The following BAIAP2L1 variants were observed in gnomAD, a reference collection of about 807,000 sequenced individuals.
The protein encoded by BAIAP2L1 is BAR/IMD domain-containing adapter protein 2-like 1.
A neutral mutation model predicts 66.3 loss-of-function variants in BAIAP2L1; 35 were observed. That is an observed-to-expected ratio of 0.53 (90% CI 0.40 to 0.70). The LOEUF is 0.70. BAIAP2L1 is among the 30% of genes least tolerant of loss of function. The pLI, the probability that BAIAP2L1 is intolerant of heterozygous loss-of-function variation, is 0.00. For missense variants in BAIAP2L1, 622 were observed against 656.9 expected (o/e 0.95, Z 0.58); for synonymous variants, 269 against 248.7 (o/e 1.08, Z -0.77).
At chr7:98,298,578 A>T (rs1800287688) in intron 12 of BAIAP2L1, among the ~76,000 whole-genome samples, 2 of 151,958 alleles carry the variant, frequency 1.3e-5, no homozygotes, top group Admixed American at 6.6e-5. Flanking sequence ...GTGCCACTGC[A>T]CTCCAGCCTG....
intron 1 of BAIAP2L1, among the ~76,000 whole-genome samples, chr7:98,375,349 C>T (rs1024810813): frequency 6.6e-5 from 10 of 150,964 alleles, no homozygotes; most frequent in Non-Finnish European, 8.8e-5. Flanking sequence ...AGCCGACATC[C>T]GGCCACTGCA....
intron 8 of BAIAP2L1, 145 bp downstream of exon 8, chr7:98,311,952 C>T: frequency 1.2e-6 from 1 of 801,290 alleles, no homozygotes; most frequent in Non-Finnish European, 2.0e-6. Flanking sequence ...ACCTTCGCCC[C>T]TAAAGGTAAG....
intron 3 of BAIAP2L1, among the ~76,000 whole-genome samples, chr7:98,334,478 C>T (rs906273213): frequency 1.3e-5 from 2 of 151,948 alleles, no homozygotes; most frequent in Non-Finnish European, 2.9e-5. Flanking sequence ...ATTCTTATTT[C>T]AATTTGAAAC....
chr7:98,312,611 C>T (rs181677762), intron 7 of BAIAP2L1, among the ~76,000 whole-genome samples: 134 of 152,288 alleles, frequency 8.8e-4, no homozygotes, highest in African/African-American at 3.2e-3. Context: ...GCCCCAGAAA[C>T]GCCAACCATC....
At chr7:98,304,170 G>T in intron 12 of BAIAP2L1, 26 bp downstream of exon 12, 1 of 1,543,280 alleles carries the variant, frequency 6.5e-7, no homozygotes, top group Non-Finnish European at 8.7e-7. Flanking sequence ...CCAGGACCCA[G>T]GACGCCCTGC....
chr7:98,309,638 ACT>A (rs769231025), intron 9 of BAIAP2L1: 1 of 151,834 alleles, frequency 6.6e-6, no homozygotes, highest in African/African-American at 2.4e-5. Flanking sequence ...ATTCTGGAAA[ACT>A]CTGTTCTTTT....
chr7:98,361,211 G>C (rs1802262863), intron 2 of BAIAP2L1, among the ~76,000 whole-genome samples: 1 of 152,006 alleles, frequency 6.6e-6, no homozygotes, highest in Non-Finnish European at 1.5e-5. Flanking sequence ...ACAAAAATTA[G>C]CTGGGCATGG....
chr7:98,330,616 C>T (rs1407005135), intron 3 of BAIAP2L1, among the ~76,000 whole-genome samples: 1 of 152,156 alleles, frequency 6.6e-6, no homozygotes, highest in Non-Finnish European at 1.5e-5. Flanking sequence ...GAGATCACAC[C>T]ATTGCATTCC....
intron 3 of BAIAP2L1, among the ~76,000 whole-genome samples, chr7:98,353,885 C>G (rs1476007599): frequency 6.6e-6 from 1 of 150,668 alleles, no homozygotes; most frequent in Non-Finnish European, 1.5e-5. Flanking sequence ...TTGCTTGAAC[C>G]TGGGCAGCAG....
At chr7:98,294,739 A>G (rs1453333458) in intron 12 of BAIAP2L1, among the ~76,000 whole-genome samples, 1 of 152,176 alleles carries the variant, frequency 6.6e-6, no homozygotes, top group Non-Finnish European at 1.5e-5. Flanking sequence ...GAAACAGGAA[A>G]TAAAAATAAA....
At position 98,292,571 on chromosome 7, in the gene BAIAP2L1, A is replaced by G. The variant is rs549361525; in HGVS notation, c.*950T>C. 8.1e-5 allele frequency: 118 copies of G among 1,463,018 alleles called. No homozygotes were observed. The highest frequency in any genetic ancestry group is 1.1e-4 in the Non-Finnish European group (114 of 1,066,494). 90.6% of individuals were successfully genotyped at this position (1,463,018 alleles called of 1,614,324 possible). ...AGGGCAGCCAGTGCGTAGTCCTCAC[A>G]TCCATACCATAGGGCCAGGTTCCGA... On this transcript the variant is annotated 3_prime_UTR_variant, in exon 14 of 14. Coordinates refer to ENST00000005260, the MANE Select transcript of BAIAP2L1 (RefSeq NM_018842.5).
Position 98,400,788 on chromosome 7 carries a change from G to C in BAIAP2L1, c.51+14C>G. On this transcript the variant is annotated intron_variant, in intron 1 of 13. Transcript: ENST00000005260. ...AAAGCCCTGACCTCCCTGAGCCCCG[G>C]GCCCTGGGCTTACCCGGTAGGTGCT... The C allele has an allele frequency of 3.2e-6, 5 of 1,549,168 alleles. No individual in the cohort carries two copies. The highest frequency in any genetic ancestry group is 4.4e-6 in the Non-Finnish European group (5 of 1,146,222).
chr7:98,311,968 A>T, intron 8 of BAIAP2L1, 129 bp downstream of exon 8: 1 of 903,740 alleles, frequency 1.1e-6, no homozygotes, highest in Non-Finnish European at 1.7e-6. Context: ...GTAAGGGGAT[A>T]GAGGTGCGAA....
At chr7:98,360,420 C>T (rs1324356048) in intron 2 of BAIAP2L1, among the ~76,000 whole-genome samples, 1 of 152,150 alleles carries the variant, frequency 6.6e-6, no homozygotes, top group Non-Finnish European at 1.5e-5. Flanking sequence ...AAGGACTTTA[C>T]ACATTTACCT....
At position 98,394,265 on chromosome 7, in the gene BAIAP2L1, A is replaced by AAAC. The variant is rs1350307931; in HGVS notation, c.51+6536_51+6537insGTT. ...CAAAAACAAACAAACAAACAAAAAA[A>AAAC]CCCACACATAAAACAAACAAAAAAT... On this transcript the variant is annotated intron_variant, in intron 1 of 13. Coordinates refer to ENST00000005260, the MANE Select transcript of BAIAP2L1 (RefSeq NM_018842.5). Among the ~76,000 whole-genome samples the AAAC allele has an allele frequency of 4.6e-3, 701 of 152,188 alleles. 2 individuals are homozygous for AAAC. Among genetic ancestry groups the AAAC allele is most frequent in the African/African-American group, 0.011 (473 of 41,550 alleles).
chr7:98,348,786 G>A (rs919530374), intron 3 of BAIAP2L1, among the ~76,000 whole-genome samples: 3 of 152,188 alleles, frequency 2.0e-5, no homozygotes, highest in East Asian at 1.9e-4. Flanking sequence ...CCTGGAAGGC[G>A]TGGCTGTCAC....
At chr7:98,399,154 T>C (rs3779193) in intron 1 of BAIAP2L1, among the ~76,000 whole-genome samples, 58,562 of 152,066 alleles carry the variant, frequency 0.39, 12,636 homozygotes, top group Middle Eastern at 0.55. Context: ...TAGGAATTTC[T>C]CAAATTTCGA....
rs183123523 is a variant in BAIAP2L1 at position 98,361,341 on chromosome 7, A to G, written c.127+1016T>C. ...CACTGCACTCCAGCCTGGGCGACAG[A>G]GCAAGACTCTGTCTGGGAAAAAAAA... On this transcript the variant is annotated intron_variant, in intron 2 of 13. Coordinates refer to ENST00000005260, the MANE Select transcript of BAIAP2L1 (RefSeq NM_018842.5). Among the ~76,000 whole-genome samples the G allele has an allele frequency of 2.2e-3, 328 of 151,578 alleles. 1 individual carries two copies. The highest frequency in any genetic ancestry group is 2.8e-3 in the Non-Finnish European group (188 of 67,922).
rs142776562 is a variant in BAIAP2L1, at chr7:98,320,374, C to T, written c.215-76G>A. The stretch of plus-strand genomic sequence containing the variant: ...TTTTGAAATGGAGTTTTTGCTCTGT[C>T]GCCCAGGCTGGAGTGCAAAGGCACG... On this transcript the variant is annotated intron_variant, in intron 3 of 13. Coordinates refer to ENST00000005260, the MANE Select transcript of BAIAP2L1 (RefSeq NM_018842.5). The T allele has an allele frequency of 1.8e-3, 2,152 of 1,189,122 alleles. 5 individuals carry two copies. Among genetic ancestry groups the T allele is most frequent in the Admixed American group, 2.0e-3 (92 of 45,280 alleles). 73.7% of individuals were successfully genotyped at this position (1,189,122 alleles called of 1,614,324 possible). A position where few individuals can be genotyped will look rare whatever the true frequency, so the allele number is the denominator to read the frequency against.
Sources: gnomAD v4.1 joint callset for allele counts (sites outside exome capture counted in the v4.1 genomes callset) on GRCh38, gnomAD v4.1.1 for gene constraint, MANE v1.5 for transcripts, NCBI Gene and HGNC (gene_info 2026-07-23, HGNC 2026-07-21) for gene names.